TTLL11: variants seen among roughly 807,000 people sequenced by gnomAD.
The protein encoded by TTLL11 is tubulin polyglutamylase TTLL11.
A neutral mutation model predicts 51.7 loss-of-function variants in TTLL11; 42 were observed. That is an observed-to-expected ratio of 0.81 (90% CI 0.64 to 1.05). The LOEUF (loss-of-function observed/expected upper bound fraction) is 1.05. Ranked by LOEUF, TTLL11 falls within the 50% of genes least tolerant of loss-of-function variation. The pLI is 0.00. For synonymous variants in TTLL11, 381 were observed against 383.5 expected, an observed-to-expected ratio of 0.99 and a Z score of 0.08; for missense variants, 799 against 940.4, an observed-to-expected ratio of 0.85 and a Z score of 1.97.
chr9:122,042,923 C>T (rs761181999), intron 1 of TTLL11, among the ~76,000 whole-genome samples: 6 of 152,174 alleles, frequency 3.9e-5, no homozygotes, highest in Middle Eastern at 3.4e-3. Context: ...TCAGTATTTG[C>T]CAGGGGCCCG....
At chr9:122,089,792 T>G (rs1484357899) in intron 1 of TTLL11, among the ~76,000 whole-genome samples, 1 of 152,122 alleles carries the variant, frequency 6.6e-6, no homozygotes, top group East Asian at 1.9e-4. Flanking sequence ...TTTTTAATTT[T>G]CAATATTTTT....
At chr9:121,940,685 A>C (rs1841421536) in intron 6 of TTLL11, among the ~76,000 whole-genome samples, 1 of 151,994 alleles carries the variant, frequency 6.6e-6, no homozygotes, top group Non-Finnish European at 1.5e-5. Flanking sequence ...ACCCACACAC[A>C]ATCATCCACC....
At chr9:122,031,400 A>C (rs1233884318) in intron 3 of TTLL11, among the ~76,000 whole-genome samples, 1 of 152,100 alleles carries the variant, frequency 6.6e-6, no homozygotes, top group African/African-American at 2.4e-5. Flanking sequence ...CAGCGGCCCC[A>C]TCCTACTTGG....
At chr9:121,932,766 T>C (rs532646324) in intron 6 of TTLL11, among the ~76,000 whole-genome samples, 65 of 152,296 alleles carry the variant, frequency 4.3e-4, no homozygotes, top group Admixed American at 3.7e-3. Flanking sequence ...TCTGAGTTTA[T>C]ACTTCAAGAG....
intron 3 of TTLL11, among the ~76,000 whole-genome samples, chr9:122,011,463 A>G (rs1843789209): frequency 6.6e-6 from 1 of 152,324 alleles, no homozygotes; most frequent in African/African-American, 2.4e-5. Context: ...CCCCATAACT[A>G]GTGTGTGTTT....
intron 3 of TTLL11, among the ~76,000 whole-genome samples, chr9:121,999,400 C>T (rs749572919): frequency 1.3e-5 from 2 of 152,180 alleles, no homozygotes; most frequent in Non-Finnish European, 2.9e-5. Flanking sequence ...ATCTACCCCT[C>T]CTGTGTTCCC....
At chr9:122,068,547 T>C (rs1845651182) in intron 1 of TTLL11, among the ~76,000 whole-genome samples, 2 of 152,118 alleles carry the variant, frequency 1.3e-5, no homozygotes, top group Admixed American at 6.5e-5. Context: ...AACCCTCCTC[T>C]AAGGTGGGGG....
Position 121,989,340 on chromosome 9 carries a change from A to G in TTLL11, c.1124T>C (p.Leu375Pro). Residue 375 changes from leucine to proline, a missense_variant, in exon 4 of 9, where the codon CTG becomes CCG. Leu to Pro is a moderately conservative substitution (Grantham distance 98). Around this residue, in one of 3 missense-constraint regions of TTLL11, gnomAD observed 468 missense variants for 612.8 expected, o/e 0.76. Transcript: ENST00000321582. The surrounding 1 kb of genome is among the most constrained non-coding windows in gnomAD (Gnocchi z 4.2). The part of the protein sequence containing the change: ...KRTFSSILCR[L>P]SSKGVDIKKV... ...CTTGATGTCAACGCCTTTGGAAGAC[A>G]GTCTACAAAGGATGCTGGAAAAAGT... The G allele has an allele frequency of 3.1e-6, 5 of 1,614,222 alleles. No individual in the cohort carries two copies. The highest frequency in any genetic ancestry group is 1.1e-5 in the South Asian group (1 of 91,084).
rs534498929 is a variant in TTLL11 at position 121,841,238 on chromosome 9, T to C, written c.1841-18359A>G. Among the ~76,000 whole-genome samples, 9 of 151,972 alleles carry C rather than the reference T, an allele frequency of 5.9e-5. No homozygotes were observed. The South Asian group carries it at 1.0e-3, about 18-fold the overall frequency. On this transcript the variant is annotated intron_variant, in intron 8 of 8. Transcript: ENST00000321582. The stretch of plus-strand genomic sequence containing the variant: ...GTGTGGGCGAAGAGTGTGGCGGGAA[T>C]GGGGGCTGTGGTTGTGGAGGATGGA...
intron 3 of TTLL11, among the ~76,000 whole-genome samples, chr9:122,027,930 A>C (rs543611157): frequency 6.6e-6 from 1 of 152,318 alleles, no homozygotes; most frequent in South Asian, 2.1e-4. Flanking sequence ...AATAATAACA[A>C]TGTATTGTGT....
At chr9:121,966,724 G>A (rs1177143970) in intron 6 of TTLL11, among the ~76,000 whole-genome samples, 1 of 152,096 alleles carries the variant, frequency 6.6e-6, no homozygotes, top group African/African-American at 2.4e-5. Flanking sequence ...GGCAAACATT[G>A]GTGTAGGAGT....
chr9:122,006,251 G>T (rs1359927487), intron 3 of TTLL11, among the ~76,000 whole-genome samples: 3 of 151,666 alleles, frequency 2.0e-5, no homozygotes, highest in African/African-American at 7.3e-5. Context: ...TGAAGCAGAA[G>T]AATTGCTTGA....
chr9:122,017,959 A>C (rs972163532), intron 3 of TTLL11, among the ~76,000 whole-genome samples: 3 of 152,312 alleles, frequency 2.0e-5, no homozygotes, highest in Admixed American at 2.0e-4. Flanking sequence ...TATACACAGG[A>C]AAAGGTTGAA....
chr9:121,954,858 TC>T (rs1336497200), intron 6 of TTLL11, among the ~76,000 whole-genome samples: 1 of 152,176 alleles, frequency 6.6e-6, no homozygotes, highest in Non-Finnish European at 1.5e-5. Flanking sequence ...TTTTTTTGTA[TC>T]TCTCTTTTTA....
intron 6 of TTLL11, among the ~76,000 whole-genome samples, chr9:121,970,740 C>T (rs1353199924): frequency 6.6e-6 from 1 of 152,208 alleles, no homozygotes; most frequent in Non-Finnish European, 1.5e-5. Flanking sequence ...AACACTTTTA[C>T]ACTGTTGGTG....
At chr9:121,864,223 T>A (rs1838108748) in intron 7 of TTLL11, among the ~76,000 whole-genome samples, 1 of 152,340 alleles carries the variant, frequency 6.6e-6, no homozygotes, top group Admixed American at 6.5e-5. Flanking sequence ...TGGACAGCAA[T>A]GAATTGCTGA....
intron 6 of TTLL11, among the ~76,000 whole-genome samples, chr9:121,917,508 G>GAAAA (rs1402634386): frequency 0.052 from 3,154 of 60,546 alleles, 138 homozygotes; most frequent in African/African-American, 0.17. Flanking sequence ...AAGAAAAGAA[G>GAAAA]GAGAGAGAGA....
chr9:122,018,883 C>T (rs1844076423), intron 3 of TTLL11, among the ~76,000 whole-genome samples: 1 of 152,370 alleles, frequency 6.6e-6, no homozygotes, highest in South Asian at 2.1e-4. Context: ...AGTCACCTAA[C>T]TCAGTCTCCC....
chr9:122,056,636 G>T (rs894868431), intron 1 of TTLL11, among the ~76,000 whole-genome samples: 1 of 152,160 alleles, frequency 6.6e-6, no homozygotes, highest in African/African-American at 2.4e-5. Context: ...TGTGTACTGA[G>T]TTCCTAGGCC....
Sources: allele counts gnomAD v4.1 joint callset (sites outside exome capture counted in the v4.1 genomes callset), GRCh38; gene constraint gnomAD v4.1.1; regional missense constraint gnomAD v4.1.1; non-coding constraint Gnocchi (gnomAD v3.1); transcripts MANE v1.5; gene names NCBI Gene and HGNC (gene_info 2026-07-23, HGNC 2026-07-21).